MARCHF1: variants seen among roughly 807,000 people sequenced by gnomAD.
MARCHF1 encodes E3 ubiquitin-protein ligase MARCHF1.
Under a neutral mutation model 54.2 loss-of-function variants are expected in MARCHF1, and 40 were observed. That is an observed-to-expected ratio of 0.74 (90% CI 0.57 to 0.96). The LOEUF (loss-of-function observed/expected upper bound fraction) is 0.96, where lower values mean the gene tolerates loss of function less well. Ranked by LOEUF, MARCHF1 falls within the 40% of genes least tolerant of loss-of-function variation. The pLI is 0.00. For missense variants in MARCHF1, 586 were observed against 656.5 expected (o/e 0.89, Z 1.17); for synonymous variants, 236 against 236.3 (o/e 1.00, Z 0.01).
intron 4 of MARCHF1, among the ~76,000 whole-genome samples, chr4:163,769,857 G>A (rs772015362): frequency 6.6e-6 from 1 of 152,004 alleles, no homozygotes; most frequent in Non-Finnish European, 1.5e-5. Context: ...ATTGACCCTT[G>A]AGCCACAAAG....
chr4:163,893,185 G>T (rs1201907272), intron 3 of MARCHF1, among the ~76,000 whole-genome samples: 1 of 151,866 alleles, frequency 6.6e-6, no homozygotes, highest in African/African-American at 2.4e-5. Context: ...TGTCACCCAG[G>T]CTGGGATGCA....
intron 4 of MARCHF1, among the ~76,000 whole-genome samples, chr4:163,743,034 G>T (rs977484102): frequency 1.3e-5 from 2 of 152,140 alleles, no homozygotes; most frequent in African/African-American, 4.8e-5. Context: ...ACAGCTTTAA[G>T]CACTTGTTTC....
chr4:163,775,586 T>C (rs1044754977), intron 4 of MARCHF1, among the ~76,000 whole-genome samples: 10 of 152,162 alleles, frequency 6.6e-5, no homozygotes, highest in African/African-American at 2.2e-4. Context: ...GAGGAATTTA[T>C]TGACAAATTC....
At chr4:164,101,003 A>T (rs1313836486) in intron 2 of MARCHF1, among the ~76,000 whole-genome samples, 2 of 152,230 alleles carry the variant, frequency 1.3e-5, no homozygotes, top group Non-Finnish European at 2.9e-5. Flanking sequence ...GGGGTGACGG[A>T]CTGCACCTGG....
intron 3 of MARCHF1, among the ~76,000 whole-genome samples, chr4:163,884,185 T>C (rs1474023254): frequency 6.6e-6 from 1 of 152,094 alleles, no homozygotes; most frequent in African/African-American, 2.4e-5. Flanking sequence ...TGATCCAGCT[T>C]AAGTGGCCTT....
intron 3 of MARCHF1, among the ~76,000 whole-genome samples, chr4:163,902,907 TCTTC>T (rs1373826880): frequency 6.6e-6 from 1 of 152,204 alleles, no homozygotes; most frequent in East Asian, 1.9e-4. Context: ...TAGACCATTG[TCTTC>T]CTTCTCCAGT....
intron 3 of MARCHF1, among the ~76,000 whole-genome samples, chr4:163,876,829 G>T (rs1365803457): frequency 1.3e-5 from 2 of 152,002 alleles, no homozygotes; most frequent in Non-Finnish European, 2.9e-5. Context: ...TAATTTACTA[G>T]GTAAGTCAGG....
intron 3 of MARCHF1, among the ~76,000 whole-genome samples, chr4:163,930,979 A>G (rs917261921): frequency 6.6e-6 from 1 of 152,164 alleles, no homozygotes. Flanking sequence ...ATGTGACACT[A>G]TCTAGAGATG....
At chr4:164,251,923 T>C (rs1234887853) in intron 1 of MARCHF1, among the ~76,000 whole-genome samples, 1 of 152,166 alleles carries the variant, frequency 6.6e-6, no homozygotes, top group Non-Finnish European at 1.5e-5. Context: ...CCAATAGATT[T>C]TAAAAATTAT....
At chr4:163,853,179 TAAAAC>T (rs1410110363) in intron 4 of MARCHF1, among the ~76,000 whole-genome samples, 4 of 152,098 alleles carry the variant, frequency 2.6e-5, no homozygotes, top group Non-Finnish European at 4.4e-5. Flanking sequence ...CATTGTAAAA[TAAAAC>T]AAAATGAACA....
In MARCHF1 at chr4:163,636,129, G is replaced by A. The variant is rs376074343; in HGVS notation, c.163-22736C>T. Among the ~76,000 whole-genome samples, 9 of 152,234 alleles carry A rather than the reference G, an allele frequency of 5.9e-5. No homozygotes were observed. In the East Asian group the frequency reaches 1.5e-3, roughly 26 times the overall value. On this transcript the variant is annotated intron_variant, in intron 5 of 9. Coordinates refer to ENST00000514618, the MANE Select transcript of MARCHF1 (RefSeq NM_001394959.1). ...AAGAGCTATCTATGACAAACCCACA[G>A]CCAATATCATACTGAATGGGAAAAA...
At chr4:164,112,009 G>C (rs1755842705) in intron 1 of MARCHF1, among the ~76,000 whole-genome samples, 1 of 151,826 alleles carries the variant, frequency 6.6e-6, no homozygotes, top group Non-Finnish European at 1.5e-5. Context: ...AAGACACTCA[G>C]GAACCTCTCC....
chr4:164,121,512 C>T (rs1476572019), intron 1 of MARCHF1, among the ~76,000 whole-genome samples: 3 of 152,054 alleles, frequency 2.0e-5, no homozygotes, highest in African/African-American at 7.2e-5. Flanking sequence ...ACCATCAGAT[C>T]TCATGAGAAC....
intron 5 of MARCHF1, among the ~76,000 whole-genome samples, chr4:163,688,350 A>T (rs1053797961): frequency 6.6e-6 from 1 of 152,216 alleles, no homozygotes; most frequent in Non-Finnish European, 1.5e-5. Context: ...AATGGATTAA[A>T]GATGATTTTA....
chr4:163,708,787 G>A (rs1164363706), intron 4 of MARCHF1, among the ~76,000 whole-genome samples: 1 of 152,060 alleles, frequency 6.6e-6, no homozygotes, highest in Admixed American at 6.6e-5. Context: ...GAGGAAGGAA[G>A]AGAGGCCAGC....
intron 1 of MARCHF1, among the ~76,000 whole-genome samples, chr4:164,231,116 C>T (rs1301892006): frequency 1.3e-5 from 2 of 152,130 alleles, no homozygotes; most frequent in Non-Finnish European, 2.9e-5. Flanking sequence ...GTATTTTCTT[C>T]AGTTCATCCA....
At chr4:164,240,535 G>T (rs1732709764) in intron 1 of MARCHF1, among the ~76,000 whole-genome samples, 1 of 151,910 alleles carries the variant, frequency 6.6e-6, no homozygotes, top group Admixed American at 6.6e-5. Flanking sequence ...TACCAAAAAA[G>T]CTGTCTCTTC....
At chr4:164,139,901 T>A (rs1756486205) in intron 1 of MARCHF1, among the ~76,000 whole-genome samples, 1 of 152,170 alleles carries the variant, frequency 6.6e-6, no homozygotes, top group South Asian at 2.1e-4. Flanking sequence ...GACTTCAAAT[T>A]TGACTCATTC....
chr4:163,715,409 C>T (rs539652183), intron 4 of MARCHF1, among the ~76,000 whole-genome samples: 4 of 152,146 alleles, frequency 2.6e-5, no homozygotes, highest in Admixed American at 6.5e-5. Flanking sequence ...CCAGATGAGC[C>T]GAAATTTTAA....
Sources: allele counts gnomAD v4.1 joint callset (sites outside exome capture counted in the v4.1 genomes callset), GRCh38; gene constraint gnomAD v4.1.1; transcripts MANE v1.5; gene names NCBI Gene and HGNC (gene_info 2026-07-23, HGNC 2026-07-21).